The following RIMS2 variants were observed in gnomAD, a reference collection of about 807,000 sequenced individuals.
The protein encoded by RIMS2 is regulating synaptic membrane exocytosis protein 2.
RIMS2 carries 59 observed loss-of-function variants against 174.4 expected under a neutral mutation model. The ratio of observed to expected loss-of-function variants is 0.34; its 90% CI spans 0.27 to 0.42. The LOEUF is 0.42. Among genes scored for constraint, RIMS2 ranks in the 10% least tolerant of loss-of-function variants. The pLI, the probability that RIMS2 is intolerant of heterozygous loss-of-function variation, is 1.00. For synonymous variants in RIMS2, 606 were observed against 572.5 expected (o/e 1.06, Z -0.84); for missense variants, 1,620 against 1,666.3 (o/e 0.97, Z 0.48).
At chr8:104,233,184 T>C (rs1233530979) in intron 19 of RIMS2, among the ~76,000 whole-genome samples, 1 of 152,162 alleles carries the variant, frequency 6.6e-6, no homozygotes, top group East Asian at 1.9e-4. Context: ...CATTCTCTTG[T>C]TTTTTCATAT....
At chr8:103,954,507 G>A (rs1417948218) in intron 14 of RIMS2, among the ~76,000 whole-genome samples, 1 of 152,164 alleles carries the variant, frequency 6.6e-6, no homozygotes, top group Non-Finnish European at 1.5e-5. Flanking sequence ...TGACTACTGG[G>A]TAAATAACGA....
At chr8:103,902,668 A>G (rs527339083) in intron 4 of RIMS2, among the ~76,000 whole-genome samples, 44 of 152,276 alleles carry the variant, frequency 2.9e-4, no homozygotes, top group Non-Finnish European at 5.4e-4. Flanking sequence ...TATGAGAGGA[A>G]ATGACCCTCC....
exon 20 of RIMS2, chr8:104,245,022 A>G: frequency 6.2e-7 from 1 of 1,613,930 alleles, no homozygotes; most frequent in Non-Finnish European, 8.5e-7. Flanking sequence ...GAGAGTCTAC[A>G]GATGGTAGCA....
intron 15 of RIMS2, among the ~76,000 whole-genome samples, chr8:103,968,024 C>T (rs1171900655): frequency 6.6e-6 from 1 of 151,908 alleles, no homozygotes; most frequent in African/African-American, 2.4e-5. Flanking sequence ...CCACATCTGG[C>T]TAATTTTTGT....
intron 4 of RIMS2, 75 bp downstream of exon 7, chr8:103,886,298 GA>G (rs2099200817): frequency 7.8e-7 from 1 of 1,284,992 alleles, no homozygotes; most frequent in African/African-American, 1.5e-5. Flanking sequence ...ATTTCTGAGT[GA>G]AAATTTAATA....
rs186200436 is a variant in RIMS2, at chr8:103,645,307, T to C, written c.177-51779T>C. ...TTCTTGCAAATAAGATATTACACTC[T>C]GAATTTTATAAAGAGAATACAGGAT... On this transcript the variant is annotated intron_variant, in intron 1 of 23. Transcript: ENST00000504942. 4.3e-3 allele frequency among the ~76,000 whole-genome samples: 656 copies of C among 152,206 alleles called. 3 individuals carry two copies. The highest frequency in any genetic ancestry group is 7.2e-3 in the Non-Finnish European group (492 of 67,964).
intron 2 of RIMS2, among the ~76,000 whole-genome samples, chr8:103,709,161 A>T (rs915878904): frequency 6.6e-6 from 1 of 152,156 alleles, no homozygotes; most frequent in African/African-American, 2.4e-5. Context: ...AATCACAGTC[A>T]TTGTAGTTTT....
intron 2 of RIMS2, among the ~76,000 whole-genome samples, chr8:103,735,262 G>A (rs1027193782): frequency 6.6e-6 from 1 of 152,172 alleles, no homozygotes; most frequent in African/African-American, 2.4e-5. Context: ...AACTGATTTT[G>A]TAGTTGAATC....
At chr8:103,597,127 C>T (rs1034393347) in intron 1 of RIMS2, among the ~76,000 whole-genome samples, 8 of 152,076 alleles carry the variant, frequency 5.3e-5, no homozygotes, top group Non-Finnish European at 1.0e-4. Context: ...CTTATTTTCT[C>T]AGTTGAGCAT....
chr8:103,666,946 C>T (rs2096677915), intron 1 of RIMS2, among the ~76,000 whole-genome samples: 1 of 152,064 alleles, frequency 6.6e-6, no homozygotes, highest in South Asian at 2.1e-4. Context: ...TGAAGAGAAA[C>T]CATTTGACAT....
chr8:103,604,260 T>A (rs2094928251), intron 1 of RIMS2, among the ~76,000 whole-genome samples: 1 of 151,304 alleles, frequency 6.6e-6, no homozygotes, highest in Admixed American at 6.6e-5. Context: ...TAGAGAATCC[T>A]TTCCCCATTG....
exon 12 of RIMS2, chr8:103,931,274 G>T: frequency 6.3e-7 from 1 of 1,596,656 alleles, no homozygotes. Flanking sequence ...TAAAACTATG[G>T]TTTGACAAGG....
At chr8:103,838,406 G>A (rs767636329) in intron 3 of RIMS2, among the ~76,000 whole-genome samples, 2 of 152,100 alleles carry the variant, frequency 1.3e-5, no homozygotes, top group South Asian at 2.1e-4. Context: ...CTTGAGGTAC[G>A]TGACCCTACA....
At chr8:103,706,506 C>T (rs1590790302) in intron 2 of RIMS2, among the ~76,000 whole-genome samples, 1 of 152,190 alleles carries the variant, frequency 6.6e-6, no homozygotes, top group East Asian at 1.9e-4. Flanking sequence ...TGAATTCCCT[C>T]AGGTTTTGTT....
chr8:103,662,672 GTCTATCTATCTATCTATCTA>G lies in RIMS2; in HGVS notation c.177-34384_177-34365del, dbSNP rs61138262. On this transcript the variant is annotated intron_variant, in intron 1 of 23. Transcript: ENST00000504942. The stretch of plus-strand genomic sequence containing the variant: ...ACCTTTTCCCTTTGGAGTCAGAAGA[GTCTATCTATCTATCTATCTA>G]TCTATCTATCTATCTATCTATCTAT... Among the ~76,000 whole-genome samples, 571 of 149,668 alleles carry G rather than the reference GTCTATCTATCTATCTATCTA, an allele frequency of 3.8e-3. 8 individuals are homozygous for G. Among genetic ancestry groups the G allele is most frequent in the African/African-American group, 0.013 (532 of 40,580 alleles).
intron 1 of RIMS2, among the ~76,000 whole-genome samples, chr8:103,620,791 T>G (rs889419409): frequency 2.2e-4 from 34 of 152,196 alleles, no homozygotes; most frequent in Admixed American, 4.6e-4. Flanking sequence ...GCCTGGCATA[T>G]AGTGGTTACT....
At chr8:103,961,197 A>T in intron 15 of RIMS2, 64 bp downstream of exon 17, 1 of 800,580 alleles carries the variant, frequency 1.2e-6, no homozygotes, top group Non-Finnish European at 2.2e-6. Flanking sequence ...CATTTACCAT[A>T]AAAGTAAATA....
intron 19 of RIMS2, among the ~76,000 whole-genome samples, chr8:104,185,628 G>A (rs1394865646): frequency 6.6e-6 from 1 of 151,582 alleles, no homozygotes; most frequent in African/African-American, 2.4e-5. Context: ...ACAGATATAT[G>A]AGACAATGCT....
intron 3 of RIMS2, among the ~76,000 whole-genome samples, chr8:103,777,153 G>A (rs1214090952): frequency 6.6e-6 from 1 of 152,008 alleles, no homozygotes; most frequent in African/African-American, 2.4e-5. Flanking sequence ...TTGATACATA[G>A]TGGTGCTCAT....
Sources: allele counts gnomAD v4.1 joint callset (sites outside exome capture counted in the v4.1 genomes callset), GRCh38; gene constraint gnomAD v4.1.1; transcripts MANE v1.5; gene names NCBI Gene and HGNC (gene_info 2026-07-23, HGNC 2026-07-21).